Variants in PPP3CB observed in about 807,000 individuals in gnomAD.
The protein encoded by PPP3CB is protein phosphatase 3 catalytic subunit beta.
A neutral mutation model predicts 66.4 loss-of-function variants in PPP3CB; 8 were observed. That is an observed-to-expected ratio of 0.12 (90% confidence interval 0.07 to 0.22). The LOEUF (loss-of-function observed/expected upper bound fraction) is 0.22, where lower values mean the gene tolerates loss of function less well. Ranked by LOEUF, PPP3CB falls within the 10% of genes least tolerant of loss-of-function variation. The pLI, the probability that PPP3CB is intolerant of heterozygous loss-of-function variation, is 1.00. For missense variants in PPP3CB, 319 were observed against 642.5 expected (o/e 0.50, Z 5.44); for synonymous variants, 208 against 221.2 (o/e 0.94, Z 0.53).
chr10:73,485,753 G>T (rs1172011760), intron 1 of PPP3CB, among the ~76,000 whole-genome samples: 1 of 151,556 alleles, frequency 6.6e-6, no homozygotes, highest in Non-Finnish European at 1.5e-5. Flanking sequence ...TTTTTTTGTT[G>T]TTTTCTTGGC....
intron 1 of PPP3CB, 192 bp downstream of exon 1, chr10:73,495,613 G>T (rs962310914): frequency 4.4e-5 from 34 of 779,048 alleles, no homozygotes; most frequent in Non-Finnish European, 5.8e-5. Context: ...GAAAGCAACC[G>T]GGAGACCGCG....
chr10:73,465,215 G>A (rs2056599817), intron 9 of PPP3CB, among the ~76,000 whole-genome samples: 1 of 152,106 alleles, frequency 6.6e-6, no homozygotes, highest in Non-Finnish European at 1.5e-5. Flanking sequence ...ATTTCCCAAT[G>A]TAAGTTATTT....
chr10:73,485,922 G>C (rs1399827300), intron 1 of PPP3CB, among the ~76,000 whole-genome samples: 1 of 112,244 alleles, frequency 8.9e-6, no homozygotes, highest in African/African-American at 4.5e-5. Flanking sequence ...GTGTGTGTGT[G>C]TGTGTGTGTG....
At chr10:73,485,950 G>GTGTGTGTGTGTGTATA (rs58404946) in intron 1 of PPP3CB, among the ~76,000 whole-genome samples, 1 of 124,690 alleles carries the variant, frequency 8.0e-6, no homozygotes, top group East Asian at 3.0e-4. Context: ...GTGTGTGTGT[G>GTGTGTGTGTGTGTATA]TATTTTTTTT....
chr10:73,455,039 A>T (rs1224821586), intron 9 of PPP3CB, among the ~76,000 whole-genome samples: 1 of 151,584 alleles, frequency 6.6e-6, no homozygotes, highest in South Asian at 2.1e-4. Flanking sequence ...TGCCCAGCTA[A>T]TTTTTGTATT....
intron 9 of PPP3CB, among the ~76,000 whole-genome samples, chr10:73,460,593 G>A (rs1188564278): frequency 6.6e-6 from 1 of 152,172 alleles, no homozygotes; most frequent in Non-Finnish European, 1.5e-5. Flanking sequence ...CACTAGTGAG[G>A]GAAATGGATA....
chr10:73,476,405 C>T (rs1027463313), intron 3 of PPP3CB, among the ~76,000 whole-genome samples: 1 of 152,020 alleles, frequency 6.6e-6, no homozygotes, highest in Non-Finnish European at 1.5e-5. Flanking sequence ...TCACCTGAGG[C>T]CAGGAGTTCG....
At position 73,471,617 on chromosome 10, in the gene PPP3CB, G is replaced by GA. The variant is rs2056702986; in HGVS notation, c.524-5dup. ...CTTTCCGAATACTTAATTTTACCTAGAAAAACAAAAAACTAATTGAAAATT... is the reference window on the plus strand; with the variant it reads ...CTTTCCGAATACTTAATTTTACCTAGAAAAAACAAAAAACTAATTGAAAATT... On this transcript the variant is annotated splice_region_variant and splice_polypyrimidine_tract_variant and intron_variant, in intron 4 of 13. Coordinates refer to ENST00000360663, the MANE Select transcript of PPP3CB (RefSeq NM_021132.4). 1 of 1,573,146 alleles carries GA rather than the reference G, an allele frequency of 6.4e-7. No individual in the cohort carries two copies.
chr10:73,486,467 G>A (rs184087112), intron 1 of PPP3CB, among the ~76,000 whole-genome samples: 102 of 151,952 alleles, frequency 6.7e-4, no homozygotes, highest in African/African-American at 2.4e-3. Context: ...CACCACGCCT[G>A]GCTAATTTTG....
At chr10:73,469,601 T>C (rs1013678504) in intron 8 of PPP3CB, among the ~76,000 whole-genome samples, 1 of 152,194 alleles carries the variant, frequency 6.6e-6, no homozygotes, top group Non-Finnish European at 1.5e-5. Context: ...GAAGTCATAT[T>C]TCATAAGATA....
At chr10:73,473,452 A>C (rs907279449) in intron 4 of PPP3CB, among the ~76,000 whole-genome samples, 2 of 152,084 alleles carry the variant, frequency 1.3e-5, no homozygotes, top group African/African-American at 4.8e-5. Context: ...TCAGGAGTTA[A>C]GAGACCAGCC....
At chr10:73,469,534 C>G (rs543524670) in intron 8 of PPP3CB, among the ~76,000 whole-genome samples, 32 of 152,166 alleles carry the variant, frequency 2.1e-4, no homozygotes, top group African/African-American at 5.1e-4. Context: ...AGAGCGAGAC[C>G]CTGTCTAGAG....
At chr10:73,447,042 T>C (rs1434925604) in intron 10 of PPP3CB, among the ~76,000 whole-genome samples, 1 of 152,194 alleles carries the variant, frequency 6.6e-6, no homozygotes, top group African/African-American at 2.4e-5. Context: ...AGGCTGACAA[T>C]ATCCCATCAG....
At chr10:73,495,334 T>C (rs769699108) in intron 1 of PPP3CB, among the ~76,000 whole-genome samples, 2 of 152,064 alleles carry the variant, frequency 1.3e-5, no homozygotes, top group African/African-American at 4.8e-5. Flanking sequence ...TAGACGCGGA[T>C]AGGGCGGACG....
chr10:73,448,269 CT>C (rs2056291199), intron 10 of PPP3CB, among the ~76,000 whole-genome samples: 1 of 152,100 alleles, frequency 6.6e-6, no homozygotes, highest in Non-Finnish European at 1.5e-5. Flanking sequence ...TATAAAAACA[CT>C]GTACAAATCA....
At chr10:73,483,594 T>A (rs1488095503) in intron 1 of PPP3CB, among the ~76,000 whole-genome samples, 3 of 151,728 alleles carry the variant, frequency 2.0e-5, no homozygotes, top group Non-Finnish European at 4.4e-5. Context: ...GAGGTGAAGG[T>A]TGCAGTGGGC....
At chr10:73,464,163 G>C (rs141852060) in intron 9 of PPP3CB, among the ~76,000 whole-genome samples, 7,071 of 151,900 alleles carry the variant, frequency 0.047, 505 homozygotes, top group African/African-American at 0.15. Context: ...CTCCTAACCT[G>C]ATGATCCACC....
intron 9 of PPP3CB, 136 bp from the exon 10 acceptor site, chr10:73,454,625 G>T: frequency 4.4e-6 from 2 of 453,178 alleles, no homozygotes; most frequent in Non-Finnish European, 7.8e-6. Flanking sequence ...AAGATCGATG[G>T]AATTTAAAAA....
rs909672995 is a variant in PPP3CB at position 73,472,934 on chromosome 10, G to A, written c.524-1321C>T. On this transcript the variant is annotated intron_variant, in intron 4 of 13. Coordinates refer to ENST00000360663, the MANE Select transcript of PPP3CB (RefSeq NM_021132.4). ...TTTTGGTTTTGATGAGATTTTGGTA[G>A]GTGGTTTGTTATTTATCTAGGCAAA... Among the ~76,000 whole-genome samples, 5 of 152,192 alleles carry A rather than the reference G, an allele frequency of 3.3e-5. No homozygotes were observed. The South Asian group carries it at 1.0e-3, about 32-fold the overall frequency.
Sources: allele counts gnomAD v4.1 joint callset (sites outside exome capture counted in the v4.1 genomes callset), GRCh38; gene constraint gnomAD v4.1.1; transcripts MANE v1.5; gene names NCBI Gene and HGNC (gene_info 2026-07-23, HGNC 2026-07-21).